The following COLEC11 variants were observed in gnomAD, a reference collection of about 807,000 sequenced individuals.
COLEC11 encodes collectin subfamily member 11.
A neutral mutation model predicts 27.3 loss-of-function variants in COLEC11; 20 were observed. The ratio of observed to expected loss-of-function variants is 0.73; its 90% confidence interval spans 0.51 to 1.06. The LOEUF is 1.06. COLEC11 is among the 50% of genes least tolerant of loss of function. The pLI is 0.00. For missense variants in COLEC11, 310 were observed against 383.0 expected (o/e 0.81, Z 1.59); for synonymous variants, 163 against 154.7 (o/e 1.05, Z -0.40).
At chr2:3,600,066 T>C (rs1434604143) in intron 1 of COLEC11, among the ~76,000 whole-genome samples, 1 of 151,628 alleles carries the variant, frequency 6.6e-6, no homozygotes, top group Non-Finnish European at 1.5e-5. Flanking sequence ...AAACCCCTTC[T>C]CTACTAAAAA....
At chr2:3,599,087 T>C (rs1272987665) in intron 1 of COLEC11, among the ~76,000 whole-genome samples, 6 of 152,160 alleles carry the variant, frequency 3.9e-5, no homozygotes, top group African/African-American at 1.4e-4. Context: ...AGCCCTGGAT[T>C]TCAGTCCCAC....
intron 3 of COLEC11, among the ~76,000 whole-genome samples, chr2:3,637,204 A>G (rs754139485): frequency 2.0e-5 from 3 of 152,152 alleles, no homozygotes; most frequent in Non-Finnish European, 4.4e-5. Context: ...GGATGGAGGA[A>G]AGACGAGCTC....
At chr2:3,618,481 A>G (rs890378751) in intron 3 of COLEC11, among the ~76,000 whole-genome samples, 2 of 152,050 alleles carry the variant, frequency 1.3e-5, no homozygotes, top group African/African-American at 2.4e-5. Context: ...CTGTATATGC[A>G]CTCATGGGCT....
At chr2:3,638,958 A>G (rs934588926) in intron 4 of COLEC11, among the ~76,000 whole-genome samples, 2 of 152,182 alleles carry the variant, frequency 1.3e-5, no homozygotes, top group Admixed American at 6.5e-5. Flanking sequence ...CCCACTAACC[A>G]GTGGCTCCCC....
intron 2 of COLEC11, among the ~76,000 whole-genome samples, chr2:3,612,213 C>T (rs180868924): frequency 4.0e-5 from 6 of 149,382 alleles, no homozygotes; most frequent in African/African-American, 1.2e-4. Flanking sequence ...TATGCACATG[C>T]GGACACACGC....
At chr2:3,599,373 C>T (rs1218934786) in intron 1 of COLEC11, among the ~76,000 whole-genome samples, 1 of 152,128 alleles carries the variant, frequency 6.6e-6, no homozygotes, top group Non-Finnish European at 1.5e-5. Flanking sequence ...ACCCATTCTG[C>T]GGGAGAATTG....
chr2:3,611,741 G>T (rs1195243827), intron 2 of COLEC11, among the ~76,000 whole-genome samples: 1 of 152,096 alleles, frequency 6.6e-6, no homozygotes, highest in African/African-American at 2.4e-5. Flanking sequence ...CACCATCGCT[G>T]TGCTTTTCTC....
At chr2:3,611,072 C>T (rs1258621480) in intron 2 of COLEC11, among the ~76,000 whole-genome samples, 2 of 152,190 alleles carry the variant, frequency 1.3e-5, no homozygotes, top group Admixed American at 6.5e-5. Flanking sequence ...TTCCTTAGCA[C>T]TGGGAAATCG....
At chr2:3,639,091 T>A (rs1665659832) in intron 4 of COLEC11, among the ~76,000 whole-genome samples, 1 of 152,216 alleles carries the variant, frequency 6.6e-6, no homozygotes, top group African/African-American at 2.4e-5. Flanking sequence ...TGATTTCACT[T>A]GGTGTAGTGT....
chr2:3,598,343 T>C (rs1182515725), intron 1 of COLEC11, among the ~76,000 whole-genome samples: 2 of 152,196 alleles, frequency 1.3e-5, no homozygotes, highest in Non-Finnish European at 2.9e-5. Flanking sequence ...ATAATAAAGA[T>C]TTGGAAACAC....
chr2:3,600,422 G>T (rs1441547611), intron 1 of COLEC11, among the ~76,000 whole-genome samples: 2 of 152,028 alleles, frequency 1.3e-5, no homozygotes, highest in African/African-American at 4.8e-5. Context: ...AGACATGGTG[G>T]TACATGCCTG....
At chr2:3,631,693 C>G (rs1004441257) in intron 3 of COLEC11, among the ~76,000 whole-genome samples, 2 of 151,482 alleles carry the variant, frequency 1.3e-5, no homozygotes, top group East Asian at 3.9e-4. Context: ...GGCCCCTGCT[C>G]GGAGGGGGCT....
chr2:3,605,856 C>T (rs1662647734), intron 2 of COLEC11: 2 of 474,394 alleles, frequency 4.2e-6, no homozygotes, highest in South Asian at 4.4e-5. Context: ...CGGGGCCACC[C>T]TGCCAGGCTG....
At chr2:3,606,088 T>C in intron 2 of COLEC11, 2 of 1,550,352 alleles carry the variant, frequency 1.3e-6, no homozygotes, top group East Asian at 2.4e-5. Context: ...GCCCTGACTT[T>C]GTGGTAGCGT....
intron 2 of COLEC11, among the ~76,000 whole-genome samples, chr2:3,606,400 C>T (rs1294771089): frequency 6.6e-6 from 1 of 152,192 alleles, no homozygotes; most frequent in Non-Finnish European, 1.5e-5. Context: ...GGTCCCTTCT[C>T]AACCTTTGCA....
intron 3 of COLEC11, among the ~76,000 whole-genome samples, chr2:3,631,098 G>A (rs554361212): frequency 1.3e-5 from 2 of 152,086 alleles, no homozygotes; most frequent in Non-Finnish European, 1.5e-5. Flanking sequence ...AGACATGGTG[G>A]TGCACGCCTG....
chr2:3,616,819 T>G (rs1442643671), intron 3 of COLEC11, among the ~76,000 whole-genome samples: 3 of 150,090 alleles, frequency 2.0e-5, no homozygotes. Flanking sequence ...AGGGAGACTG[T>G]GGGGAGAGGG....
intron 2 of COLEC11, chr2:3,604,926 T>G (rs1558487435): frequency 4.9e-6 from 2 of 405,282 alleles, no homozygotes; most frequent in African/African-American, 2.1e-5. Context: ...AAAAAATCCC[T>G]GGTGGTCTAG....
chr2:3,614,651 G>C (rs1008415928), intron 3 of COLEC11, among the ~76,000 whole-genome samples: 3 of 152,054 alleles, frequency 2.0e-5, no homozygotes, highest in African/African-American at 7.2e-5. Flanking sequence ...AATACAGAAG[G>C]ACAGGATGAC....
Sources: allele counts gnomAD v4.1 joint callset (sites outside exome capture counted in the v4.1 genomes callset), GRCh38; gene constraint gnomAD v4.1.1; transcripts MANE v1.5; gene names NCBI Gene and HGNC (gene_info 2026-07-23, HGNC 2026-07-21).